The following ADGRF5 variants were observed in gnomAD, a reference collection of about 807,000 sequenced individuals.
ADGRF5 encodes the protein adhesion G protein-coupled receptor F5.
In ADGRF5, 75 loss-of-function variants were observed where a neutral mutation model predicts 132.3. The ratio of observed to expected loss-of-function variants is 0.57; its 90% CI spans 0.47 to 0.69. ADGRF5 has a LOEUF of 0.69. ADGRF5 is among the 30% of genes least tolerant of loss of function. The pLI is 0.00. For synonymous variants in ADGRF5, 629 were observed against 597.6 expected (o/e 1.05, Z -0.77); for missense variants, 1,516 against 1,630.6 (o/e 0.93, Z 1.21).
intron 1 of ADGRF5, among the ~76,000 whole-genome samples, chr6:46,943,299 T>C (rs1039385991): frequency 3.3e-5 from 5 of 152,226 alleles, no homozygotes; most frequent in Non-Finnish European, 5.9e-5. Flanking sequence ...TCATGTTGTG[T>C]TGGCAGTTTG....
rs148264387 is a variant in ADGRF5 at position 46,937,383 on chromosome 6, C to T, written c.-25+17351G>A. Among the ~76,000 whole-genome samples, 29 of 152,238 alleles carry T rather than the reference C, an allele frequency of 1.9e-4. No individual in the cohort carries two copies. In the East Asian group the frequency reaches 5.6e-3, roughly 29 times the overall value. On this transcript the variant is annotated intron_variant, in intron 1 of 20. Coordinates refer to the ADGRF5 transcript ENST00000265417. Reference sequence around the variant, plus strand: ...AGATTTCATGCCATTGGGTTTTCTACTAAATCTTTTATTTTCTTATTTTAG... The same window carrying T: ...AGATTTCATGCCATTGGGTTTTCTATTAAATCTTTTATTTTCTTATTTTAG...
intron 1 of ADGRF5, among the ~76,000 whole-genome samples, chr6:46,942,180 C>G (rs370698533): frequency 1.3e-5 from 2 of 152,156 alleles, no homozygotes; most frequent in Admixed American, 1.3e-4. Flanking sequence ...ATCACCTCCT[C>G]CCCCTGTCAA....
At chr6:46,916,744 C>A (rs572146945) in intron 1 of ADGRF5, among the ~76,000 whole-genome samples, 20 of 152,280 alleles carry the variant, frequency 1.3e-4, no homozygotes, top group Non-Finnish European at 2.9e-5. Context: ...TTTGCAAATG[C>A]CCAGAGAATA....
intron 1 of ADGRF5, among the ~76,000 whole-genome samples, chr6:46,945,411 G>A (rs1443232421): frequency 2.6e-5 from 4 of 152,174 alleles, no homozygotes; most frequent in Non-Finnish European, 2.9e-5. Flanking sequence ...AATCACTTAA[G>A]TGACACTTTT....
At chr6:46,901,933 G>A (rs1774813406) in intron 2 of ADGRF5, among the ~76,000 whole-genome samples, 1 of 152,132 alleles carries the variant, frequency 6.6e-6, no homozygotes, top group South Asian at 2.1e-4. Flanking sequence ...TCCCCTCGCT[G>A]ATGCCCTTAG....
chr6:46,870,508 A>G (rs1322312404), intron 11 of ADGRF5, among the ~76,000 whole-genome samples: 1 of 152,172 alleles, frequency 6.6e-6, no homozygotes, highest in African/African-American at 2.4e-5. Context: ...GGCTTTTTAC[A>G]GTTACCATTT....
chr6:46,879,871 T>G lies in ADGRF5; in HGVS notation c.983A>C (p.Asn328Thr). Residue 328 changes from asparagine to threonine, a missense_variant, in exon 9 of 21, where the codon AAC (asparagine) becomes ACC (threonine). By Grantham distance (65) the Asn-to-Thr change is moderately conservative. Around this residue, in one of 2 missense-constraint regions of ADGRF5, gnomAD observed 945 missense variants for 929.4 expected, o/e 1.02. Coordinates refer to ENST00000283296, the MANE Select transcript of ADGRF5 (RefSeq NM_001098518.2). ...GGTGAGCTTGGACACCGAAGTCATGTTGTTGAAAAGTGCGGTGTAAATCGA... is the reference window on the plus strand; with the variant it reads ...GGTGAGCTTGGACACCGAAGTCATGGTGTTGAAAAGTGCGGTGTAAATCGA... ...RFSIYTALFN[N>T]MTSVSKLTIH... 2 of 1,614,144 alleles carry G rather than the reference T, an allele frequency of 1.2e-6. No homozygotes were observed. The highest frequency in any genetic ancestry group is 1.7e-6 in the Non-Finnish European group (2 of 1,179,990).
chr6:46,937,850 G>A (rs1048060053), intron 1 of ADGRF5, among the ~76,000 whole-genome samples: 5 of 152,130 alleles, frequency 3.3e-5, no homozygotes, highest in South Asian at 2.1e-4. Flanking sequence ...TGGACAAAGC[G>A]ATGATTCACA....
chr6:46,913,671 G>C (rs999711764), intron 1 of ADGRF5, among the ~76,000 whole-genome samples: 2 of 152,178 alleles, frequency 1.3e-5, no homozygotes, highest in African/African-American at 4.8e-5. Flanking sequence ...AAGAGTTATA[G>C]AGTGTTTGGG....
chr6:46,858,840 G>T lies in ADGRF5; in HGVS notation c.3063C>A (p.Gly1021=). ...AGGCTGCCAAGCTCAAGATGGAAAAGCCCACCCCAACATAAGAAATAATAT... is the reference window on the plus strand; with the variant it reads ...AGGCTGCCAAGCTCAAGATGGAAAATCCCACCCCAACATAAGAAATAATAT... ...LLDIISYVGV[G]FSILSLAACL... is the part of the protein sequence containing the mutation. Residue 1021 remains glycine, a synonymous_variant, in exon 17 of 21, where the codon GGC becomes GGA. Coordinates refer to ENST00000283296, the MANE Select transcript of ADGRF5 (RefSeq NM_001098518.2). The T allele has an allele frequency of 6.2e-7, 1 of 1,614,086 alleles. No homozygotes were observed. The highest frequency in any genetic ancestry group is 8.5e-7 in the Non-Finnish European group (1 of 1,179,938).
chr6:46,936,528 C>G (rs375114262), intron 1 of ADGRF5, among the ~76,000 whole-genome samples: 1 of 152,188 alleles, frequency 6.6e-6, no homozygotes, highest in Non-Finnish European at 1.5e-5. Flanking sequence ...TTTAATCTTT[C>G]GACATCTCTC....
At chr6:46,880,642 C>T (rs1581824923) in intron 8 of ADGRF5, among the ~76,000 whole-genome samples, 1 of 152,264 alleles carries the variant, frequency 6.6e-6, no homozygotes, top group East Asian at 1.9e-4. Context: ...CCCTGAGGAA[C>T]TTGCTTAGTC....
rs752625682 is a variant in ADGRF5 at position 46,881,385 on chromosome 6, G to A, written c.814+70C>T. ...GTCTAGCTTCCCAGAGGACATTGTA[G>A]CATAAACTAATTTCCTAGGTTTACG... is the stretch of plus-strand genomic sequence containing the variant. On this transcript the variant is annotated intron_variant, in intron 8 of 20. Coordinates refer to ENST00000283296, the MANE Select transcript of ADGRF5 (RefSeq NM_001098518.2). 3.0e-5 allele frequency: 41 copies of A among 1,358,798 alleles called. No individual in the cohort carries two copies. The South Asian group carries it at 4.7e-4, about 16-fold the overall frequency. The allele number at this position is 1,358,798 out of a possible 1,614,324, so 84.2% of individuals were successfully genotyped here.
chr6:46,873,298 C>T (rs1054498246), intron 10 of ADGRF5, among the ~76,000 whole-genome samples: 4 of 152,124 alleles, frequency 2.6e-5, no homozygotes, highest in African/African-American at 9.7e-5. Context: ...CTGTGTTTGC[C>T]ACTTCCAATT....
rs985530742 is a variant in ADGRF5, at chr6:46,869,198, A to G, written c.1412-106T>C. 6 of 1,516,668 alleles carry G rather than the reference A, an allele frequency of 4.0e-6. No individual in the cohort carries two copies. In the African/African-American group the frequency reaches 8.4e-5, roughly 21 times the overall value. 94.0% of individuals were successfully genotyped at this position (1,516,668 alleles called of 1,614,324 possible). On this transcript the variant is annotated intron_variant, in intron 11 of 20. Coordinates refer to ENST00000283296, the MANE Select transcript of ADGRF5 (RefSeq NM_001098518.2). ...CTGAAACTTCAGAGAGGGACAGAAA[A>G]AAAAAATGAACCATCCTGACTCTAC...
upstream of ADGRF5, among the ~76,000 whole-genome samples, chr6:46,923,414 A>G (rs1035119346): frequency 6.6e-6 from 1 of 152,186 alleles, no homozygotes; most frequent in Non-Finnish European, 1.5e-5. Context: ...ATCAGCCTGT[A>G]GCAAGTCAGC....
In ADGRF5 at chr6:46,871,918, T is replaced by C. The variant is rs762951224; in HGVS notation, c.1336A>G (p.Ile446Val). The C allele has an allele frequency of 6.2e-7, 1 of 1,613,470 alleles. No individual in the cohort carries two copies. Among genetic ancestry groups the C allele is most frequent in the South Asian group, 1.1e-5 (1 of 90,980 alleles). ...GCACTGATGAACTCACAAGTGTAGA[T>C]GACTGTTGTTCCAGACGACCCGCTT... ...CPSGSSGTTV[I>V]YTCEFISAYG... The change falls in exon 11 of 21, where the codon ATC (isoleucine) becomes GTC (valine). Residue 446 changes from isoleucine to valine, a missense_variant. Ile to Val is a conservative substitution (Grantham distance 29). Transcript: ENST00000283296.
In ADGRF5 at chr6:46,858,227, G is replaced by C; in HGVS notation, c.3676C>G (p.Pro1226Ala). Residue 1226 changes from proline (P) to alanine (A), a missense_variant, in exon 17 of 21, where the codon CCA becomes GCA. Pro to Ala is a conservative substitution (Grantham distance 27). Coordinates refer to ENST00000283296, the MANE Select transcript of ADGRF5 (RefSeq NM_001098518.2). ...AAACCCCAAGTGAGGCCCAAGAGTG[G>C]TGTGAGGACCCCAATGCTCTTGCTG... ...QISKSIGVLTPLLGLTWGFGL... is the reference protein window; with the variant it reads ...QISKSIGVLTALLGLTWGFGL... 1.9e-6 allele frequency: 3 copies of C among 1,614,100 alleles called. No individual in the cohort carries two copies. Among genetic ancestry groups the C allele is most frequent in the Non-Finnish European group, 2.5e-6 (3 of 1,179,996 alleles).
At chr6:46,936,338 G>A (rs1777826393) in intron 1 of ADGRF5, among the ~76,000 whole-genome samples, 1 of 152,110 alleles carries the variant, frequency 6.6e-6, no homozygotes, top group East Asian at 1.9e-4. Context: ...TTTCGCTGTT[G>A]GTCATATGGT....
Sources: allele counts gnomAD v4.1 joint callset (sites outside exome capture counted in the v4.1 genomes callset), GRCh38; gene constraint gnomAD v4.1.1; regional missense constraint gnomAD v4.1.1; transcripts MANE v1.5; gene names NCBI Gene and HGNC (gene_info 2026-07-23, HGNC 2026-07-21).